Variants in MACF1 observed in about 807,000 individuals in gnomAD.
MACF1 encodes microtubule-actin cross-linking factor 1.
Under a neutral mutation model 854.8 loss-of-function variants are expected in MACF1, and 193 were observed. The ratio of observed to expected loss-of-function variants is 0.23; its 90% CI spans 0.20 to 0.25. The LOEUF (loss-of-function observed/expected upper bound fraction) is 0.25. Ranked by LOEUF, MACF1 falls within the 10% of genes least tolerant of loss-of-function variation. MACF1 has a pLI of 1.00. For synonymous variants in MACF1, 3,185 were observed against 3,226.7 expected, an observed-to-expected ratio of 0.99 and a Z score of 0.44; for missense variants, 7,722 against 8,929.1, an observed-to-expected ratio of 0.86 and a Z score of 5.45.
At chr1:39,201,642 G>A (rs1229955584), upstream of MACF1, among the ~76,000 whole-genome samples, 4 of 151,318 alleles carry the variant, frequency 2.6e-5, no homozygotes, top group Non-Finnish European at 4.4e-5. Context: ...GTGATTCACC[G>A]CGCCAGGCTG....
At chr1:39,184,783 C>T (rs562197027) in intron 2 of MACF1, among the ~76,000 whole-genome samples, 29 of 152,240 alleles carry the variant, frequency 1.9e-4, no homozygotes, top group African/African-American at 7.0e-4. Context: ...CTAAATTAGC[C>T]ATTTACACAA....
intron 2 of MACF1, among the ~76,000 whole-genome samples, chr1:39,177,237 G>C (rs1644041402): frequency 6.6e-6 from 1 of 152,160 alleles, no homozygotes; most frequent in South Asian, 2.1e-4. Context: ...CCAGGTTCAA[G>C]CGATTCTCCT....
chr1:39,188,041 GTC>G lies in MACF1; in HGVS notation c.221-43137_221-43136del, dbSNP rs1289077653. Among the ~76,000 whole-genome samples the G allele has an allele frequency of 3.1e-5, 4 of 130,224 alleles. No individual in the cohort carries two copies. In the South Asian group the frequency reaches 7.7e-4, roughly 25 times the overall value. 85.4% of individuals were successfully genotyped at this position (130,224 alleles called of 152,430 possible). On this transcript the variant is annotated intron_variant, in intron 2 of 93. Coordinates refer to the MACF1 transcript ENST00000361689. ...TCTTTTTTCCTCTGCATCCAGCATTGTCTCTGTTTCTTCTGAGCTCCTTCTAT... is the reference window on the plus strand; with the variant it reads ...TCTTTTTTCCTCTGCATCCAGCATTGTCTGTTTCTTCTGAGCTCCTTCTAT...
chr1:39,298,659 T>A (rs1484154968), intron 21 of MACF1: 6 of 432,402 alleles, frequency 1.4e-5, no homozygotes, highest in Non-Finnish European at 2.7e-5. Flanking sequence ...TTTTACACTT[T>A]CAGGTATTGT....
At chr1:39,358,907 A>G (rs1417580043) in intron 46 of MACF1, 34 bp downstream of exon 46, 1 of 1,574,214 alleles carries the variant, frequency 6.4e-7, no homozygotes, top group Non-Finnish European at 8.6e-7. Flanking sequence ...TGTGGTGTCA[A>G]GACCTTGTAT....
intron 1 of MACF1, among the ~76,000 whole-genome samples, chr1:39,211,745 G>A (rs1216846588): frequency 6.6e-6 from 1 of 152,084 alleles, no homozygotes; most frequent in African/African-American, 2.4e-5. Context: ...GCCAGGTGCT[G>A]TGGTGGGCGC....
intron 89 of MACF1, among the ~76,000 whole-genome samples, chr1:39,456,222 T>C (rs2148687475): frequency 6.6e-6 from 1 of 152,226 alleles, no homozygotes; most frequent in East Asian, 1.9e-4. Context: ...TAATCCCAGC[T>C]ACTCAGGCGG....
intron 44 of MACF1, among the ~76,000 whole-genome samples, chr1:39,355,950 CA>C (rs1159915573): frequency 1.3e-5 from 2 of 152,146 alleles, no homozygotes; most frequent in East Asian, 3.9e-4. Context: ...ACTCCTGCAT[CA>C]GCCTCCTAGT....
chr1:39,453,776 C>G lies in MACF1; in HGVS notation c.20812C>G (p.Leu6938Val). The change falls in exon 88 of 101, where the codon CTG becomes GTG. Residue 6938 changes from leucine (L) to valine (V), a missense_variant. This residue lies in a region of MACF1 where 729 missense variants were observed against 900.5 expected (regional missense o/e 0.81). Coordinates refer to ENST00000564288, the MANE Select transcript of MACF1 (RefSeq NM_001394062.1). Reference sequence around the variant, plus strand: ...AGCAGTAGCCATGGGAGAAGTCATCCTGGCTGTCTGCCACCCCGATTGCAT... The same window carrying G: ...AGCAGTAGCCATGGGAGAAGTCATCGTGGCTGTCTGCCACCCCGATTGCAT... ...NSAVAMGEVI[L>V]AVCHPDCITT... 1.9e-6 allele frequency: 3 copies of G among 1,614,114 alleles called. No homozygotes were observed. The highest frequency in any genetic ancestry group is 2.5e-6 in the Non-Finnish European group (3 of 1,179,950).
chr1:39,199,284 C>T (rs1364670633), intron 2 of MACF1, among the ~76,000 whole-genome samples: 7 of 151,208 alleles, frequency 4.6e-5, no homozygotes, highest in African/African-American at 1.5e-4. Flanking sequence ...TGTGCCTGGC[C>T]TGTTGTGACA....
chr1:39,101,139 C>T (rs1642064447), intron 2 of MACF1, among the ~76,000 whole-genome samples: 1 of 150,632 alleles, frequency 6.6e-6, no homozygotes, highest in African/African-American at 2.4e-5. Flanking sequence ...GATGGATTAC[C>T]TGAGGTCAGG....
intron 2 of MACF1, chr1:39,103,119 TTTC>T (rs1411704886): frequency 2.4e-5 from 12 of 510,204 alleles, no homozygotes; most frequent in South Asian, 7.8e-5. Flanking sequence ...AAAGCAGAAG[TTTC>T]TTCTTTGATT....
At chr1:39,390,342 G>A (rs532652356) in intron 58 of MACF1, among the ~76,000 whole-genome samples, 4 of 152,316 alleles carry the variant, frequency 2.6e-5, no homozygotes, top group East Asian at 1.9e-4. Flanking sequence ...TCAGAGCCAC[G>A]TAGTCCTAGA....
At chr1:39,280,616 C>T (rs1290943255) in intron 6 of MACF1, among the ~76,000 whole-genome samples, 1 of 152,084 alleles carries the variant, frequency 6.6e-6, no homozygotes, top group Non-Finnish European at 1.5e-5. Flanking sequence ...CTCACTCTGT[C>T]GCCCAGGCTA....
chr1:39,213,116 C>A (rs1225438457), intron 1 of MACF1, among the ~76,000 whole-genome samples: 1 of 152,042 alleles, frequency 6.6e-6, no homozygotes, highest in Admixed American at 6.5e-5. Flanking sequence ...CTTTTAAAGT[C>A]CTAGAATTTT....
In MACF1 at chr1:39,388,504, A is replaced by T; in HGVS notation, c.15662A>T (p.Glu5221Val). Residue 5221 changes from glutamate to valine, a missense_variant, in exon 58 of 101, where the codon GAA (glutamate) becomes GTA (valine). Glu to Val is a moderately radical substitution (Grantham distance 121). This residue lies in a region of MACF1 where 2,807 missense variants were observed against 3,235.8 expected (regional missense o/e 0.87). Transcript: ENST00000564288. ...ACAGAGAGGGGGAAAGCTCGTCAGG[A>T]ACAGCTGGAACTGACACTAGGCCGT... ...KLTERGKARQ[E>V]QLELTLGRVE... 1 of 1,614,192 alleles carries T rather than the reference A, an allele frequency of 6.2e-7. No individual in the cohort carries two copies. The highest frequency in any genetic ancestry group is 1.1e-5 in the South Asian group (1 of 91,082).
intron 2 of MACF1, among the ~76,000 whole-genome samples, chr1:39,091,638 G>A (rs1641808295): frequency 6.6e-6 from 1 of 152,108 alleles, no homozygotes; most frequent in African/African-American, 2.4e-5. Context: ...TGGGACTACA[G>A]GTGTGCGCCA....
intron 1 of MACF1, among the ~76,000 whole-genome samples, chr1:39,220,674 C>T (rs1039676735): frequency 4.8e-5 from 7 of 146,358 alleles, no homozygotes; most frequent in East Asian, 4.1e-4. Context: ...TGGGTAGAGT[C>T]GAGGTTCCCC....
chr1:39,422,991 T>G, intron 60 of MACF1, 91 bp downstream of exon 60: 2 of 1,179,376 alleles, frequency 1.7e-6, no homozygotes, highest in Non-Finnish European at 2.4e-6. Context: ...AGTTCAGGAG[T>G]TTTAGTAGAA....
Sources: gnomAD v4.1 joint callset for allele counts (sites outside exome capture counted in the v4.1 genomes callset) on GRCh38, gnomAD v4.1.1 for gene constraint, gnomAD v4.1.1 regional missense constraint, MANE v1.5 for transcripts, NCBI Gene and HGNC (gene_info 2026-07-23, HGNC 2026-07-21) for gene names.